The following PDZRN4 variants were observed in gnomAD, a reference collection of about 807,000 sequenced individuals.
PDZRN4 encodes PDZ domain containing ring finger 4, also known as PDZ domain-containing RING finger protein 4.
PDZRN4 carries 70 observed loss-of-function variants against 99.0 expected under a neutral mutation model. The ratio of observed to expected loss-of-function variants is 0.71; its 90% CI spans 0.58 to 0.86. The LOEUF (loss-of-function observed/expected upper bound fraction) is 0.86, where lower values mean the gene tolerates loss of function less well. PDZRN4 is among the 40% of genes least tolerant of loss of function. The pLI, the probability that PDZRN4 is intolerant of heterozygous loss-of-function variation, is 0.00. For missense variants in PDZRN4, 1,474 were observed against 1,331.2 expected (o/e 1.11, Z -1.67); for synonymous variants, 551 against 501.6 (o/e 1.10, Z -1.32).
chr12:41,418,289 TAG>T (rs1473389588), intron 3 of PDZRN4, among the ~76,000 whole-genome samples: 1 of 152,184 alleles, frequency 6.6e-6, no homozygotes, highest in Non-Finnish European at 1.5e-5. Flanking sequence ...TAATTGAAAG[TAG>T]AGTGTCATCC....
At chr12:41,548,928 T>C (rs1939006411) in intron 5 of PDZRN4, among the ~76,000 whole-genome samples, 1 of 152,230 alleles carries the variant, frequency 6.6e-6, no homozygotes, top group Non-Finnish European at 1.5e-5. Context: ...ACCTTCAACC[T>C]ATATATAATC....
At chr12:41,457,165 G>A (rs1164697092) in intron 3 of PDZRN4, among the ~76,000 whole-genome samples, 1 of 151,392 alleles carries the variant, frequency 6.6e-6, no homozygotes, top group Non-Finnish European at 1.5e-5. Flanking sequence ...TTGTTCCCAG[G>A]GCACCAAGTC....
intron 3 of PDZRN4, among the ~76,000 whole-genome samples, chr12:41,348,821 C>T (rs914037301): frequency 1.3e-5 from 2 of 151,950 alleles, no homozygotes; most frequent in Non-Finnish European, 2.9e-5. Flanking sequence ...GTTCAGATTT[C>T]ACATCATAGC....
intron 5 of PDZRN4, among the ~76,000 whole-genome samples, chr12:41,547,485 G>C (rs1022566345): frequency 1.3e-5 from 2 of 152,052 alleles, no homozygotes; most frequent in African/African-American, 4.8e-5. Flanking sequence ...AATTAGCCAG[G>C]GGTGGTGGCA....
chr12:41,509,824 C>A lies in PDZRN4; in HGVS notation c.1114C>A (p.His372Asn). 6.4e-7 allele frequency: 1 copy of A among 1,568,626 alleles called. No homozygotes were observed. Among genetic ancestry groups the A allele is most frequent in the Non-Finnish European group, 8.8e-7 (1 of 1,141,990 alleles). Reference protein sequence around the residue: ...FLLSDSCHSLHPMEHEFYEDN... With the variant: ...FLLSDSCHSLNPMEHEFYEDN... ...CATTCCCCATAGCTGCCATTCTCTA[C>A]ATCCAATGGAGCATGAATTTTATGA... is the stretch of plus-strand genomic sequence containing the variant. Residue 372 changes from histidine to asparagine, a missense_variant, in exon 5 of 10, where the codon CAT becomes AAT. Transcript: ENST00000402685.
chr12:41,320,104 A>G (rs1469337667), intron 3 of PDZRN4, among the ~76,000 whole-genome samples: 1 of 152,156 alleles, frequency 6.6e-6, no homozygotes, highest in Non-Finnish European at 1.5e-5. Flanking sequence ...GCTGTTATCC[A>G]TCTTCTGCAC....
chr12:41,497,350 C>T (rs557135616), intron 3 of PDZRN4, among the ~76,000 whole-genome samples: 1 of 152,068 alleles, frequency 6.6e-6, no homozygotes, highest in South Asian at 2.1e-4. Flanking sequence ...TGTATATATG[C>T]CTTATGCCTT....
At chr12:41,384,037 C>G in intron 3 of PDZRN4, among the ~76,000 whole-genome samples, 1 of 111,788 alleles carries the variant, frequency 8.9e-6, no homozygotes, top group South Asian at 3.2e-4. Flanking sequence ...GAATCTCTGT[C>G]TGTCGCCCAG....
chr12:41,361,754 G>T (rs1026619122), intron 3 of PDZRN4, among the ~76,000 whole-genome samples: 2 of 152,024 alleles, frequency 1.3e-5, no homozygotes, highest in Non-Finnish European at 2.9e-5. Context: ...CCTTTAATGT[G>T]CACAGGAAGG....
At chr12:41,405,475 C>T (rs1043353918) in intron 3 of PDZRN4, among the ~76,000 whole-genome samples, 2 of 152,034 alleles carry the variant, frequency 1.3e-5, no homozygotes, top group African/African-American at 2.4e-5. Flanking sequence ...GCAGAGAAAA[C>T]GAAATGCTTA....
chr12:41,469,548 C>CT (rs1344648278), intron 3 of PDZRN4, among the ~76,000 whole-genome samples: 4 of 151,964 alleles, frequency 2.6e-5, no homozygotes, highest in Admixed American at 2.6e-4. Flanking sequence ...AGGTTTTTTT[C>CT]TTTTTTCTGC....
intron 3 of PDZRN4, among the ~76,000 whole-genome samples, chr12:41,298,942 C>T (rs1951513503): frequency 6.6e-6 from 1 of 152,108 alleles, no homozygotes. Flanking sequence ...AGAGCCCCAA[C>T]AATCTGTTGT....
At chr12:41,450,643 C>T (rs970148605) in intron 3 of PDZRN4, among the ~76,000 whole-genome samples, 2 of 151,434 alleles carry the variant, frequency 1.3e-5, no homozygotes, top group Non-Finnish European at 2.9e-5. Flanking sequence ...TCATTGAGAC[C>T]AAGTGCCGTG....
chr12:41,388,446 A>C, intron 3 of PDZRN4, among the ~76,000 whole-genome samples: 1 of 152,084 alleles, frequency 6.6e-6, no homozygotes, highest in South Asian at 2.1e-4. Flanking sequence ...AGCATTTTGT[A>C]GGCCACTGTC....
At chr12:41,331,465 C>A (rs1214114412) in intron 3 of PDZRN4, among the ~76,000 whole-genome samples, 1 of 152,032 alleles carries the variant, frequency 6.6e-6, no homozygotes, top group African/African-American at 2.4e-5. Context: ...GAAAAGGACT[C>A]TAAGCACCTG....
At chr12:41,426,977 T>C (rs183034869) in intron 3 of PDZRN4, among the ~76,000 whole-genome samples, 30 of 152,314 alleles carry the variant, frequency 2.0e-4, no homozygotes, top group African/African-American at 4.1e-4. Context: ...AGCTGATTCC[T>C]ACACACACCC....
intron 3 of PDZRN4, among the ~76,000 whole-genome samples, chr12:41,285,280 A>C (rs1951415752): frequency 6.6e-6 from 1 of 152,208 alleles, no homozygotes; most frequent in African/African-American, 2.4e-5. Context: ...GTCATTACAG[A>C]AATGCAAATC....
At chr12:41,549,088 A>G (rs1405213547) in intron 5 of PDZRN4, among the ~76,000 whole-genome samples, 1 of 152,158 alleles carries the variant, frequency 6.6e-6, no homozygotes, top group Non-Finnish European at 1.5e-5. Flanking sequence ...CTAGTGACAA[A>G]TGACTTATGG....
In PDZRN4 at chr12:41,188,548, G is replaced by C. The variant is rs987391425; in HGVS notation, c.93G>C (p.Thr31=). The C allele has an allele frequency of 6.4e-7, 1 of 1,564,340 alleles. No individual in the cohort carries two copies. The highest frequency in any genetic ancestry group is 8.6e-7 in the Non-Finnish European group (1 of 1,162,906). ...AGGTGCTTGAAGAGCCCCTGTGCAC[G>C]CCGTGCGGGCACGTCTTCTGCGCCA... ...CGQVLEEPLC[T]PCGHVFCASC... Residue 31 remains threonine (T), a synonymous_variant, in exon 1 of 10, where the codon ACG becomes ACC. Transcript: ENST00000402685.
Sources: allele counts gnomAD v4.1 joint callset (sites outside exome capture counted in the v4.1 genomes callset), GRCh38; gene constraint gnomAD v4.1.1; transcripts MANE v1.5; gene names NCBI Gene and HGNC (gene_info 2026-07-23, HGNC 2026-07-21).